The following RAP1GDS1 variants were observed in gnomAD, a reference collection of about 807,000 sequenced individuals.
RAP1GDS1 encodes RAP1, GTP-GDP dissociation stimulator 1.
In RAP1GDS1, 35 loss-of-function variants were observed where a neutral mutation model predicts 71.1. That is an observed-to-expected ratio of 0.49 (90% CI 0.38 to 0.65). The LOEUF is 0.65. Ranked by LOEUF, RAP1GDS1 falls within the 30% of genes least tolerant of loss-of-function variation. The pLI, the probability that RAP1GDS1 is intolerant of heterozygous loss-of-function variation, is 0.00. For missense variants in RAP1GDS1, 663 were observed against 706.1 expected (o/e 0.94, Z 0.69); for synonymous variants, 229 against 243.1 (o/e 0.94, Z 0.54).
intron 11 of RAP1GDS1, among the ~76,000 whole-genome samples, chr4:98,420,561 CT>C (rs1397614019): frequency 2.6e-5 from 4 of 151,996 alleles, no homozygotes; most frequent in African/African-American, 9.7e-5. Flanking sequence ...AGACATGGGG[CT>C]TGTTGCTCAG....
intron 6 of RAP1GDS1, chr4:98,396,678 G>T (rs1396220373): frequency 3.3e-5 from 5 of 152,214 alleles, no homozygotes; most frequent in Non-Finnish European, 2.9e-5. Context: ...TTATGCCCAT[G>T]TAATAGCTAG....
chr4:98,377,630 G>T (rs1741352503), intron 4 of RAP1GDS1, among the ~76,000 whole-genome samples: 1 of 134,700 alleles, frequency 7.4e-6, no homozygotes, highest in Non-Finnish European at 1.7e-5. Context: ...CTATATAATT[G>T]TGTGTGTGTG....
At chr4:98,349,004 A>T (rs1028289424) in intron 3 of RAP1GDS1, among the ~76,000 whole-genome samples, 5 of 151,886 alleles carry the variant, frequency 3.3e-5, no homozygotes, top group Non-Finnish European at 7.4e-5. Flanking sequence ...GGTTTTTGTT[A>T]CCATTGCTTT....
chr4:98,423,744 A>G (rs1453719665), intron 12 of RAP1GDS1, among the ~76,000 whole-genome samples: 1 of 151,952 alleles, frequency 6.6e-6, no homozygotes, highest in Admixed American at 6.6e-5. Context: ...GGGTTTCTCC[A>G]TTTTGGTCAG....
intron 2 of RAP1GDS1, among the ~76,000 whole-genome samples, chr4:98,314,068 A>G (rs1730626593): frequency 6.6e-6 from 1 of 152,096 alleles, no homozygotes; most frequent in Admixed American, 6.5e-5. Context: ...ACACCTTTTC[A>G]TTGTACTAAA....
At position 98,423,025 on chromosome 4, in the gene RAP1GDS1, TG is replaced by T. The variant is rs1056407707; in HGVS notation, c.1440+1632del. Among the ~76,000 whole-genome samples, 4 of 152,252 alleles carry T rather than the reference TG, an allele frequency of 2.6e-5. No homozygotes were observed. The South Asian group carries it at 8.3e-4, about 32-fold the overall frequency. ...ATTTAACAGTTAATATTTGAGTTCT[TG>T]CAGTGTAAATACTAAAAAATAGTGT... On this transcript the variant is annotated intron_variant, in intron 12 of 14. Transcript: ENST00000408927.
chr4:98,287,491 G>T (rs764879981), intron 1 of RAP1GDS1, among the ~76,000 whole-genome samples: 2 of 152,100 alleles, frequency 1.3e-5, no homozygotes, highest in Admixed American at 1.3e-4. Context: ...TGTGTAAGTG[G>T]TGAATAGGCA....
intron 7 of RAP1GDS1, among the ~76,000 whole-genome samples, chr4:98,414,824 G>A (rs1252363871): frequency 4.6e-5 from 7 of 152,014 alleles, no homozygotes; most frequent in Middle Eastern, 3.4e-3. Context: ...CCATTTTCAC[G>A]ATATTGATTC....
intron 2 of RAP1GDS1, among the ~76,000 whole-genome samples, chr4:98,299,388 A>G (rs1018607909): frequency 2.0e-5 from 3 of 152,190 alleles, no homozygotes; most frequent in Non-Finnish European, 4.4e-5. Context: ...GTGTCTTTAT[A>G]GTAGCATGAA....
At chr4:98,290,079 G>A (rs1726709449) in intron 1 of RAP1GDS1, among the ~76,000 whole-genome samples, 1 of 151,916 alleles carries the variant, frequency 6.6e-6, no homozygotes, top group African/African-American at 2.4e-5. Flanking sequence ...GTCTCCTGTC[G>A]GTTTTATCAT....
intron 2 of RAP1GDS1, among the ~76,000 whole-genome samples, chr4:98,312,157 C>CA (rs958002395): frequency 6.6e-6 from 1 of 152,186 alleles, no homozygotes; most frequent in African/African-American, 2.4e-5. Context: ...TCACTATTCT[C>CA]AGGGCCAGGG....
At chr4:98,401,516 A>C (rs753857518) in intron 6 of RAP1GDS1, among the ~76,000 whole-genome samples, 3 of 152,210 alleles carry the variant, frequency 2.0e-5, no homozygotes, top group Non-Finnish European at 4.4e-5. Flanking sequence ...AGTATGAATT[A>C]GCTAAAAGAG....
rs565900894 is a variant in RAP1GDS1, at chr4:98,278,581, G to A, written c.5-14827G>A. On this transcript the variant is annotated intron_variant, in intron 1 of 14. Transcript: ENST00000408927. ...AATCAGAATGATATAAGAAATCATA[G>A]AGATATGGAATAGATTCTCTGCTCT... Among the ~76,000 whole-genome samples the A allele has an allele frequency of 3.3e-5, 5 of 152,228 alleles. No individual in the cohort carries two copies. The East Asian group carries it at 9.6e-4, about 29-fold the overall frequency.
intron 2 of RAP1GDS1, among the ~76,000 whole-genome samples, chr4:98,334,830 CT>C (rs796454145): frequency 5.7e-3 from 741 of 130,164 alleles, no homozygotes; most frequent in African/African-American, 0.014. Flanking sequence ...TCCTTTAATA[CT>C]TTTTTTTTTT....
At chr4:98,353,359 A>G (rs1024694206) in intron 4 of RAP1GDS1, among the ~76,000 whole-genome samples, 4 of 152,168 alleles carry the variant, frequency 2.6e-5, no homozygotes, top group African/African-American at 9.6e-5. Context: ...TATTTCTATA[A>G]CTAGGATAAC....
At position 98,276,108 on chromosome 4, in the gene RAP1GDS1, G is replaced by T. The variant is rs137925051; in HGVS notation, c.4+14539G>T. Among the ~76,000 whole-genome samples, 204 of 152,156 alleles carry T rather than the reference G, an allele frequency of 1.3e-3. 3 individuals carry two copies. Among genetic ancestry groups the T allele is most frequent in the African/African-American group, 3.8e-3 (158 of 41,532 alleles). Reference sequence around the variant, plus strand: ...CAAGGTGCTGGCAGATTCAGTGTCTGGTCAAGGCCTGCCTCCTGGTTTATA... The same window carrying T: ...CAAGGTGCTGGCAGATTCAGTGTCTTGTCAAGGCCTGCCTCCTGGTTTATA... On this transcript the variant is annotated intron_variant, in intron 1 of 14. Transcript: ENST00000408927.
chr4:98,287,562 A>G (rs1726223228), intron 1 of RAP1GDS1, among the ~76,000 whole-genome samples: 1 of 152,234 alleles, frequency 6.6e-6, no homozygotes, highest in South Asian at 2.1e-4. Flanking sequence ...CATGTATATG[A>G]ATAGGTATGA....
At chr4:98,333,436 T>G (rs1485293362) in intron 2 of RAP1GDS1, among the ~76,000 whole-genome samples, 1 of 152,072 alleles carries the variant, frequency 6.6e-6, no homozygotes, top group Non-Finnish European at 1.5e-5. Context: ...TGTTTCCCCA[T>G]AATTTTTATG....
chr4:98,327,451 G>A (rs552789967), intron 2 of RAP1GDS1, among the ~76,000 whole-genome samples: 2 of 152,328 alleles, frequency 1.3e-5, no homozygotes, highest in Admixed American at 1.3e-4. Flanking sequence ...GTGTAAGGTT[G>A]TGACAGCCTT....
Sources: allele counts gnomAD v4.1 joint callset (sites outside exome capture counted in the v4.1 genomes callset), GRCh38; gene constraint gnomAD v4.1.1; transcripts MANE v1.5; gene names NCBI Gene and HGNC (gene_info 2026-07-23, HGNC 2026-07-21).